PYGB: variants seen among roughly 807,000 people sequenced by gnomAD.
PYGB encodes the protein glycogen phosphorylase, brain form.
PYGB carries 82 observed loss-of-function variants against 94.3 expected under a neutral mutation model. The observed-to-expected ratio is 0.87, with a 90% confidence interval of 0.73 to 1.04. PYGB has a LOEUF of 1.04. Ranked by LOEUF, PYGB falls within the 50% of genes least tolerant of loss-of-function variation. PYGB has a pLI of 0.00. For synonymous variants in PYGB, 488 were observed against 479.1 expected, an observed-to-expected ratio of 1.02 and a Z score of -0.24; for missense variants, 1,132 against 1,158.2, an observed-to-expected ratio of 0.98 and a Z score of 0.33.
chr20:25,273,098 T>G (rs781475680), intron 4 of PYGB, among the ~76,000 whole-genome samples: 7 of 152,172 alleles, frequency 4.6e-5, no homozygotes, highest in Non-Finnish European at 8.8e-5. Flanking sequence ...ATGGAAGAAG[T>G]AAATACAGGC....
chr20:25,248,342 C>T lies in PYGB; in HGVS notation c.164C>T (p.Ala55Val). The T allele has an allele frequency of 6.2e-7, 1 of 1,602,860 alleles. No homozygotes were observed. Residue 55 changes from alanine to valine, a missense_variant, in exon 1 of 20, where the codon GCG becomes GTG. Transcript: ENST00000216962. ...GCCACGCCCCGCGACTACTTCTTCG[C>T]GCTGGCGCACACGGTGCGCGACCAC... is the stretch of plus-strand genomic sequence containing the variant. ...NVATPRDYFF[A>V]LAHTVRDHLV...
intron 3 of PYGB, among the ~76,000 whole-genome samples, chr20:25,270,187 GTT>G (rs1555806349): frequency 2.3e-5 from 3 of 130,120 alleles, no homozygotes; most frequent in African/African-American, 9.8e-5. Context: ...TAATCCTGAA[GTT>G]TTTTTTGTTT....
At chr20:25,284,344 G>A (rs1388341946) in intron 14 of PYGB, 93 bp downstream of exon 14, 3 of 1,495,896 alleles carry the variant, frequency 2.0e-6, no homozygotes, top group East Asian at 2.3e-5. Context: ...CTCTGTCATG[G>A]TGGGGGCTGT....
At chr20:25,270,142 AC>A (rs2088252891) in intron 3 of PYGB, among the ~76,000 whole-genome samples, 1 of 142,222 alleles carries the variant, frequency 7.0e-6, no homozygotes, top group African/African-American at 2.7e-5. Flanking sequence ...TATTTTAGTT[AC>A]TAGTGTTCCA....
Position 25,280,480 on chromosome 20 carries a change from C to T in PYGB, c.1239+68C>T, listed in dbSNP as rs539002469. 5.8e-6 allele frequency: 9 copies of T among 1,559,580 alleles called. No individual in the cohort carries two copies. The Admixed American group carries it at 6.8e-5, about 12-fold the overall frequency. ...CCATGCCAACGGCCCCCCACCTGGC[C>T]TGGGAGAGGAGGTGCTTTGCTCCTT... On this transcript the variant is annotated intron_variant, in intron 10 of 19. Transcript: ENST00000216962.
chr20:25,257,677 T>C (rs909907309), intron 1 of PYGB, among the ~76,000 whole-genome samples: 4 of 152,170 alleles, frequency 2.6e-5, no homozygotes, highest in African/African-American at 7.2e-5. Flanking sequence ...AAAAAAAATA[T>C]ACATTTTTAG....
At chr20:25,271,553 C>A in intron 4 of PYGB, 67 bp downstream of exon 4, 1 of 1,528,428 alleles carries the variant, frequency 6.5e-7, no homozygotes, top group East Asian at 2.3e-5. Flanking sequence ...GCAGCACTTG[C>A]AGTTTGTCTT....
chr20:25,278,201 C>T lies in PYGB; in HGVS notation c.856-118C>T, dbSNP rs139878453. The T allele has an allele frequency of 7.6e-4, 902 of 1,187,576 alleles. 5 individuals carry two copies. In the East Asian group the frequency reaches 0.014, roughly 19 times the overall value. 73.6% of individuals were successfully genotyped at this position (1,187,576 alleles called of 1,614,324 possible). A position where few individuals can be genotyped will look rare whatever the true frequency, so the allele number is the denominator to read the frequency against. ...ACAGGCAGGCCCCAGTGTCAGGCAG[C>T]TGGGCTGGGCTCCTCTCGGCCTTCT... On this transcript the variant is annotated intron_variant, in intron 7 of 19. Coordinates refer to ENST00000216962, the MANE Select transcript of PYGB (RefSeq NM_002862.4).
rs367948032 is a variant in PYGB, at chr20:25,288,534, T to C, written c.1827+51T>C. 5.2e-4 allele frequency: 828 copies of C among 1,589,252 alleles called. 1 individual carries two copies. The highest frequency in any genetic ancestry group is 5.4e-4 in the Non-Finnish European group (627 of 1,160,316). On this transcript the variant is annotated intron_variant, in intron 15 of 19. Coordinates refer to ENST00000216962, the MANE Select transcript of PYGB (RefSeq NM_002862.4). ...TCTGTGGTGTTTGGTCTGGGGATAG[T>C]GGGTGGGCAGCCTGCACGCTTCTCA...
intron 16 of PYGB, among the ~76,000 whole-genome samples, chr20:25,291,388 C>A (rs2088466102): frequency 6.8e-6 from 1 of 148,144 alleles, no homozygotes; most frequent in African/African-American, 2.6e-5. Context: ...GGGCCAAGGG[C>A]CCCCCCTAGT....
intron 13 of PYGB, 149 bp from the exon 14 acceptor site, chr20:25,283,954 TG>T: frequency 2.3e-6 from 2 of 856,612 alleles, no homozygotes; most frequent in Non-Finnish European, 3.5e-6. Context: ...AGAAGACCCC[TG>T]GTGCAATCTC....
In PYGB at chr20:25,296,802, GT is replaced by G. The variant is rs2088554155; in HGVS notation, c.*281del. ...AGCACCTGCCCCACCCAGAGTGGGA[GT>G]CAGGTGGAGCCACCTGCTGGGCTCC... On this transcript the variant is annotated 3_prime_UTR_variant, in exon 20 of 20. Transcript: ENST00000216962. 6.8e-6 allele frequency: 3 copies of G among 438,148 alleles called. No individual in the cohort carries two copies. Among genetic ancestry groups the G allele is most frequent in the South Asian group, 5.4e-5 (2 of 36,948 alleles). The allele number at this position is 438,148 out of a possible 1,614,324, so 27.1% of individuals were successfully genotyped here. A position where few individuals can be genotyped will look rare whatever the true frequency, so the allele number is the denominator to read the frequency against.
At chr20:25,277,184 C>G in intron 6 of PYGB, 60 bp from the exon 7 acceptor site, 1 of 1,349,410 alleles carries the variant, frequency 7.4e-7, no homozygotes, top group Non-Finnish European at 1.1e-6. Context: ...GGCCCCTGAG[C>G]GGTTGCAGTG....
intron 2 of PYGB, among the ~76,000 whole-genome samples, chr20:25,268,826 G>A (rs566966196): frequency 3.6e-4 from 55 of 152,266 alleles, no homozygotes; most frequent in Admixed American, 7.8e-4. Context: ...AATATGTCAC[G>A]TAAATATCGC....
At chr20:25,267,405 T>G (rs1370534030) in intron 2 of PYGB, among the ~76,000 whole-genome samples, 1 of 152,216 alleles carries the variant, frequency 6.6e-6, no homozygotes, top group African/African-American at 2.4e-5. Flanking sequence ...AGGCGAATTT[T>G]ACGGTTAATG....
intron 2 of PYGB, among the ~76,000 whole-genome samples, chr20:25,264,716 C>A (rs994520426): frequency 5.3e-5 from 8 of 152,158 alleles, no homozygotes; most frequent in Non-Finnish European, 8.8e-5. Context: ...ATCCAACTTA[C>A]AAGGGATGTG....
intron 15 of PYGB, chr20:25,289,817 G>A (rs1434793328): frequency 7.5e-6 from 4 of 533,214 alleles, no homozygotes; most frequent in Non-Finnish European, 1.5e-5. Context: ...ATAAAATGAT[G>A]TTTTCCACCA....
At position 25,296,553 on chromosome 20, in the gene PYGB, ATTTG is replaced by A; in HGVS notation, c.*35_*38del. The A allele has an allele frequency of 6.3e-7, 1 of 1,588,694 alleles. No homozygotes were observed. Among genetic ancestry groups the A allele is most frequent in the South Asian group, 1.1e-5 (1 of 88,634 alleles). ...CCCTGCCTTGGCGGGACCAGCGGGC[ATTTG>A]TTTTCTTGCTGACTTTGCACCTCCT... On this transcript the variant is annotated 3_prime_UTR_variant, in exon 20 of 20. Coordinates refer to ENST00000216962, the MANE Select transcript of PYGB (RefSeq NM_002862.4).
intron 1 of PYGB, among the ~76,000 whole-genome samples, chr20:25,256,754 A>G (rs6115107): frequency 0.6 from 91,358 of 152,134 alleles, 28,785 homozygotes; most frequent in East Asian, 0.98. Context: ...TGGTTGCACA[A>G]GAGGAGCCAG....
Sources: allele counts gnomAD v4.1 joint callset (sites outside exome capture counted in the v4.1 genomes callset), GRCh38; gene constraint gnomAD v4.1.1; transcripts MANE v1.5; gene names NCBI Gene and HGNC (gene_info 2026-07-23, HGNC 2026-07-21).